DNAH17: variants seen among roughly 807,000 people sequenced by gnomAD.
The protein encoded by DNAH17 is axonemal beta dynein heavy chain 17.
In DNAH17, 376 loss-of-function variants were observed where a neutral mutation model predicts 485.6. That is an observed-to-expected ratio of 0.77 (90% CI 0.71 to 0.84). The LOEUF (loss-of-function observed/expected upper bound fraction) is 0.84. DNAH17 is among the 40% of genes least tolerant of loss of function. DNAH17 has a pLI of 0.00. For missense variants in DNAH17, 6,370 were observed against 5,839.3 expected, an observed-to-expected ratio of 1.09 and a Z score of -2.96; for synonymous variants, 3,031 against 2,405.9, an observed-to-expected ratio of 1.26 and a Z score of -7.60.
intron 71 of DNAH17, among the ~76,000 whole-genome samples, chr17:78,443,396 G>A (rs10468440): frequency 0.16 from 23,754 of 152,006 alleles, 2,388 homozygotes; most frequent in African/African-American, 0.28. Flanking sequence ...CCTGGACCTC[G>A]CTGCTCTCCT....
intron 49 of DNAH17, 32 bp from the exon 50 acceptor site, chr17:78,479,664 C>G (rs1397478467): frequency 6.2e-7 from 1 of 1,609,102 alleles, no homozygotes; most frequent in African/African-American, 1.3e-5. Flanking sequence ...CTCCAGTCAG[C>G]CAGCTCTTGG....
rs200831756 is a variant in DNAH17 at position 78,537,394 on chromosome 17, G to A, written c.2764C>T (p.Arg922Cys). The A allele has an allele frequency of 3.6e-4, 574 of 1,613,034 alleles. No homozygotes were observed. Among genetic ancestry groups the A allele is most frequent in the Middle Eastern group, 6.6e-4 (4 of 6,084 alleles). ...FNPTLEVGSDRGFLALIEGLV... is the reference protein window; with the variant it reads ...FNPTLEVGSDCGFLALIEGLV... The stretch of plus-strand genomic sequence containing the variant: ...CCCTCGATCAGTGCCAGGAAGCCGC[G>A]ATCTGAGCCCACCTCCAGGGTCGGG... The change falls in exon 19 of 81, where the codon CGC becomes TGC. Residue 922 changes from arginine (R) to cysteine (C), a missense_variant. Coordinates refer to ENST00000389840, the MANE Select transcript of DNAH17 (RefSeq NM_173628.4).
At chr17:78,564,246 G>A (rs369023836) in intron 11 of DNAH17, among the ~76,000 whole-genome samples, 3 of 152,166 alleles carry the variant, frequency 2.0e-5, no homozygotes, top group African/African-American at 7.2e-5. Flanking sequence ...AGACCCGTAC[G>A]CTGGTCCTTA....
intron 33 of DNAH17, 86 bp downstream of exon 33, chr17:78,502,505 G>C (rs1333772987): frequency 9.4e-6 from 12 of 1,277,928 alleles, no homozygotes; most frequent in Non-Finnish European, 1.2e-5. Context: ...TACTCGCCCG[G>C]CAGGTTTCAG....
At chr17:78,480,997 G>A (rs188470686) in intron 48 of DNAH17, among the ~76,000 whole-genome samples, 3 of 152,048 alleles carry the variant, frequency 2.0e-5, no homozygotes, top group South Asian at 2.1e-4. Flanking sequence ...GGGTTTCGCC[G>A]TGTTAGCCAG....
At position 78,506,823 on chromosome 17, in the gene DNAH17, A is replaced by AT. The variant is rs760152039; in HGVS notation, c.4699_4700insA (p.Leu1567TyrfsTer22). 1.2e-6 allele frequency: 2 copies of AT among 1,613,992 alleles called. No individual in the cohort carries two copies. Among genetic ancestry groups the AT allele is most frequent in the East Asian group, 4.5e-5 (2 of 44,886 alleles). On this transcript the variant is annotated frameshift_variant, in exon 30 of 81. Coordinates refer to ENST00000389840, the MANE Select transcript of DNAH17 (RefSeq NM_173628.4). LOFTEE classifies it high-confidence loss of function. ...TCTTTTCGTCTCTAAATACTCTGCC[A>AT]AAGCCTTTTCACAGATGGCCAAGCT...
At chr17:78,492,246 C>T (rs936633664) in intron 42 of DNAH17, among the ~76,000 whole-genome samples, 1 of 152,172 alleles carries the variant, frequency 6.6e-6, no homozygotes, top group Non-Finnish European at 1.5e-5. Context: ...GACGCCACCT[C>T]CTGGGGGAAG....
At chr17:78,558,480 C>T (rs1598725851) in intron 13 of DNAH17, among the ~76,000 whole-genome samples, 1 of 148,134 alleles carries the variant, frequency 6.8e-6, no homozygotes. Context: ...TGACATCACC[C>T]TCATGGGTGG....
chr17:78,455,096 G>A (rs1598477341), intron 63 of DNAH17, among the ~76,000 whole-genome samples: 1 of 152,196 alleles, frequency 6.6e-6, no homozygotes. Flanking sequence ...TTTTAGTAGA[G>A]ACGAGGTTTC....
chr17:78,530,128 C>A (rs146103028), intron 21 of DNAH17, among the ~76,000 whole-genome samples: 2 of 152,240 alleles, frequency 1.3e-5, no homozygotes, highest in African/African-American at 4.8e-5. Context: ...AGCAGGTGCT[C>A]GGTACACCGG....
chr17:78,543,702 G>A (rs2091668294), intron 17 of DNAH17, 155 bp downstream of exon 17: 2 of 1,127,426 alleles, frequency 1.8e-6, no homozygotes, highest in Non-Finnish European at 2.6e-6. Flanking sequence ...TGGGATTACA[G>A]GTGAGAGCCA....
At chr17:78,542,364 T>A (rs948115125) in intron 17 of DNAH17, among the ~76,000 whole-genome samples, 20 of 152,056 alleles carry the variant, frequency 1.3e-4, no homozygotes, top group African/African-American at 4.8e-4. Flanking sequence ...GCCAGGCTGG[T>A]CTCAAACTCC....
chr17:78,478,861 TCAC>T (rs1389306784), intron 51 of DNAH17, 161 bp downstream of exon 51: 5 of 618,978 alleles, frequency 8.1e-6, no homozygotes, highest in Non-Finnish European at 1.4e-5. Flanking sequence ...ACTACCACTG[TCAC>T]CACCACCATT....
Position 78,539,751 on chromosome 17 carries a change from T to C in DNAH17, c.2662A>G (p.Asn888Asp). The C allele has an allele frequency of 5.0e-6, 8 of 1,610,844 alleles. No individual in the cohort carries two copies. The highest frequency in any genetic ancestry group is 2.2e-5 in the East Asian group (1 of 44,860). Residue 888 changes from asparagine to aspartate, a missense_variant, in exon 18 of 81, where the codon AAC becomes GAC. Coordinates refer to ENST00000389840, the MANE Select transcript of DNAH17 (RefSeq NM_173628.4). ...IRKSLSFLMD[N>D]MVIDESIAPL... The stretch of plus-strand genomic sequence containing the variant: ...TGATAACTTACATCTATAACCATGT[T>C]GTCCATTAGGAAACTCAGAGATTTG...
At position 78,455,763 on chromosome 17, in the gene DNAH17, T is replaced by C. The variant is rs1278468958; in HGVS notation, c.10051A>G (p.Thr3351Ala). ...ATGAGCAGGACGTCCCCACACAGCG[T>C]GACCCCCTGGCTCCTGAAGTTCTCC... ...SVENFRSQGV[T>A]LCGDVLLISA... The change falls in exon 63 of 81, where the codon ACG becomes GCG. Residue 3351 changes from threonine (T) to alanine (A), a missense_variant. Physicochemically the swap from Thr to Ala is moderately conservative, Grantham distance 58. Coordinates refer to ENST00000389840, the MANE Select transcript of DNAH17 (RefSeq NM_173628.4). The C allele has an allele frequency of 6.2e-7, 1 of 1,613,604 alleles. No homozygotes were observed. Among genetic ancestry groups the C allele is most frequent in the Admixed American group, 1.7e-5 (1 of 59,992 alleles).
At position 78,437,693 on chromosome 17, in the gene DNAH17, G is replaced by T. The variant is rs2086895573; in HGVS notation, c.11981C>A (p.Pro3994His). The T allele has an allele frequency of 3.1e-6, 5 of 1,612,186 alleles. No individual in the cohort carries two copies. Among genetic ancestry groups the T allele is most frequent in the Middle Eastern group, 1.6e-4 (1 of 6,076 alleles). Residue 3994 changes from proline (P) to histidine (H), a missense_variant, in exon 74 of 81, where the codon CCC becomes CAC. Physicochemically the swap from Pro to His is moderately conservative, Grantham distance 77. Coordinates refer to ENST00000389840, the MANE Select transcript of DNAH17 (RefSeq NM_173628.4). ...LENAIKITNE[P>H]PTGMHANLHK... ...CAAGTTGGCGTGCATGCCCGTGGGG[G>T]GCTCGTTGGTGATCTTGATGGCGTT...
chr17:78,444,877 G>A (rs183666831), intron 70 of DNAH17, 80 bp from the exon 71 acceptor site: 1 of 1,384,324 alleles, frequency 7.2e-7, no homozygotes, highest in Admixed American at 2.6e-5. Context: ...TTCATTCAAG[G>A]AGGAGAGGCC....
At chr17:78,425,227 C>T (rs1167014422) in intron 80 of DNAH17, 119 bp downstream of exon 80, 9 of 1,015,160 alleles carry the variant, frequency 8.9e-6, no homozygotes, top group Non-Finnish European at 1.5e-6. Context: ...GAGCACCTCT[C>T]TCCTGCCTGT....
chr17:78,507,130 C>T (rs1311630293), intron 29 of DNAH17, 148 bp downstream of exon 29: 1 of 943,368 alleles, frequency 1.1e-6, no homozygotes, highest in Admixed American at 2.7e-5. Context: ...AGTGTGTGCT[C>T]CCCAGGGAAA....
Sources: gnomAD v4.1 joint callset for allele counts (sites outside exome capture counted in the v4.1 genomes callset) on GRCh38, gnomAD v4.1.1 for gene constraint, MANE v1.5 for transcripts, NCBI Gene and HGNC (gene_info 2026-07-23, HGNC 2026-07-21) for gene names.